Variants in DACH2 observed in about 807,000 individuals in gnomAD.
The protein encoded by DACH2 is dachshund family transcription factor 2, also known as dachshund homolog 2.
A neutral mutation model predicts 35.8 loss-of-function variants in DACH2; 17 were observed. The observed-to-expected ratio is 0.48, with a 90% CI of 0.33 to 0.71. The LOEUF is 0.71. Among genes scored for constraint, DACH2 ranks in the 30% least tolerant of loss-of-function variants. DACH2 has a pLI of 0.02. For missense variants in DACH2, 469 were observed against 472.7 expected (o/e 0.99, Z 0.07); for synonymous variants, 195 against 177.3 (o/e 1.10, Z -0.79).
At chrX:86,208,655 C>T (rs754774139) in intron 1 of DACH2, among the ~76,000 whole-genome samples, 75 of 111,376 alleles carry the variant, frequency 6.7e-4, no homozygotes, top group Admixed American at 2.5e-3. Flanking sequence ...AAGAATTTTG[C>T]GTGTATCTTT....
chrX:86,595,664 C>T (rs1394165784), intron 3 of DACH2, among the ~76,000 whole-genome samples: 3 of 109,342 alleles, frequency 2.7e-5, no homozygotes, highest in African/African-American at 9.9e-5. Flanking sequence ...TTATTCATTG[C>T]CCTTTGTCTT....
intron 2 of DACH2, among the ~76,000 whole-genome samples, chrX:86,404,196 A>G (rs1197507842): frequency 9.0e-6 from 1 of 110,612 alleles, no homozygotes; most frequent in Non-Finnish European, 1.9e-5. Context: ...TCATGTCCTC[A>G]CAATTCAAAA....
chrX:86,188,661 T>C (rs903312370), intron 1 of DACH2, among the ~76,000 whole-genome samples: 1 of 111,771 alleles, frequency 8.9e-6, no homozygotes, highest in Admixed American at 9.5e-5. Context: ...ACAGAGTCAG[T>C]AGCAGGAGAT....
chrX:86,740,291 A>T (rs2041640142), intron 7 of DACH2, among the ~76,000 whole-genome samples: 1 of 111,022 alleles, frequency 9.0e-6, no homozygotes, highest in South Asian at 3.8e-4. Context: ...AAATCTCAAC[A>T]ACTTAGATCA....
chrX:86,784,299 AC>A (rs201456243), intron 7 of DACH2, among the ~76,000 whole-genome samples: 25,972 of 109,767 alleles, frequency 0.24, 2,406 homozygotes, highest in East Asian at 0.45. Flanking sequence ...AACATCCCCA[AC>A]AAAAAGTAAG....
Position 86,788,192 on chromosome X carries a change from T to C in DACH2, c.1241-24664T>C, listed in dbSNP as rs766707929. 9.0e-5 allele frequency among the ~76,000 whole-genome samples: 10 copies of C among 110,920 alleles called. No individual in the cohort carries two copies. In the South Asian group the frequency reaches 3.5e-3, roughly 39 times the overall value. On this transcript the variant is annotated intron_variant, in intron 7 of 11. Coordinates refer to ENST00000373125, the MANE Select transcript of DACH2 (RefSeq NM_053281.3). ...TTCCTATAGGAAGATCATATACCAG[T>C]TAAACTCTGCCATTTTGCTTGCCTC... is the stretch of plus-strand genomic sequence containing the variant.
chrX:86,765,712 T>G (rs1309879820), intron 7 of DACH2, among the ~76,000 whole-genome samples: 39 of 97,874 alleles, frequency 4.0e-4, no homozygotes, highest in African/African-American at 1.1e-3. Context: ...TTTTTTTTTT[T>G]TTTTTTTTTT....
intron 2 of DACH2, chrX:86,481,188 A>T (rs1477365163): frequency 8.9e-6 from 1 of 112,018 alleles, no homozygotes; most frequent in Admixed American, 9.5e-5. Context: ...CTCAGGTCAA[A>T]TATTTCTCTC....
chrX:86,690,303 T>C (rs1452485247), intron 4 of DACH2, among the ~76,000 whole-genome samples: 2 of 111,968 alleles, frequency 1.8e-5, no homozygotes, highest in African/African-American at 6.5e-5. Flanking sequence ...GCTATTGCTT[T>C]TCACAAACCT....
chrX:86,677,695 C>A (rs1237695392), intron 4 of DACH2, among the ~76,000 whole-genome samples: 1 of 111,839 alleles, frequency 8.9e-6, no homozygotes, highest in Non-Finnish European at 1.9e-5. Flanking sequence ...AGTGAATTCT[C>A]AAGTTTTATA....
chrX:86,517,576 C>T (rs2038489686), intron 3 of DACH2, among the ~76,000 whole-genome samples: 1 of 109,874 alleles, frequency 9.1e-6, no homozygotes, highest in Non-Finnish European at 1.9e-5. Flanking sequence ...ACCACCACAC[C>T]TGGCTAAATT....
At chrX:86,363,028 C>A (rs899923966) in intron 1 of DACH2, among the ~76,000 whole-genome samples, 2 of 105,031 alleles carry the variant, frequency 1.9e-5, no homozygotes, top group Non-Finnish European at 3.9e-5. Flanking sequence ...GAATCTAGTT[C>A]ATAATATTGA....
intron 3 of DACH2, among the ~76,000 whole-genome samples, chrX:86,530,726 T>A (rs1474903229): frequency 8.9e-6 from 1 of 112,189 alleles, no homozygotes; most frequent in African/African-American, 3.2e-5. Context: ...TAAAGATACC[T>A]GAAAATGTGG....
At chrX:86,377,107 A>T (rs892392598) in intron 2 of DACH2, among the ~76,000 whole-genome samples, 1 of 111,633 alleles carries the variant, frequency 9.0e-6, no homozygotes, top group Non-Finnish European at 1.9e-5. Flanking sequence ...AGCAGAAGTT[A>T]GAGAAAGGCT....
chrX:86,685,968 C>T, intron 4 of DACH2, among the ~76,000 whole-genome samples: 1 of 111,317 alleles, frequency 9.0e-6, no homozygotes, highest in Middle Eastern at 4.6e-3. Context: ...TGATTATTTA[C>T]TGCGAAGTGA....
rs775064284 is a variant in DACH2, at chrX:86,695,090, G to A, written c.842G>A (p.Gly281Glu). The change falls in exon 5 of 12, where the codon GGA becomes GAA. Residue 281 changes from glycine (G) to glutamate (E), a missense_variant. By Grantham distance (98) the Gly-to-Glu change is moderately conservative (BLOSUM62 -2). This residue lies in a region of DACH2 where 363 missense variants were observed against 334.4 expected (regional missense o/e 1.09). Coordinates refer to ENST00000373125, the MANE Select transcript of DACH2 (RefSeq NM_053281.3). ...TTTGCTGCACCTGGACCCCAACATG[G>A]AATTGCTCATGCAGCCCTAGCTGGC... Reference protein sequence around the residue: ...SPFAAPGPQHGIAHAALAGQP... With the variant: ...SPFAAPGPQHEIAHAALAGQP... 1.1e-5 allele frequency: 13 copies of A among 1,156,974 alleles called. No homozygotes were observed. Among genetic ancestry groups the A allele is most frequent in the Non-Finnish European group, 1.5e-5 (13 of 867,378 alleles).
At chrX:86,646,309 G>C (rs187202077) in intron 3 of DACH2, among the ~76,000 whole-genome samples, 115 of 110,278 alleles carry the variant, frequency 1.0e-3, no homozygotes, top group African/African-American at 3.4e-3. Context: ...GGGCAGGTAG[G>C]GGGTGAGGGT....
At chrX:86,328,665 A>G (rs1356573030) in intron 1 of DACH2, among the ~76,000 whole-genome samples, 1 of 111,837 alleles carries the variant, frequency 8.9e-6, no homozygotes, top group East Asian at 2.8e-4. Flanking sequence ...GTCTCTAAAC[A>G]TATGTTCTGA....
intron 3 of DACH2, among the ~76,000 whole-genome samples, chrX:86,549,631 C>G (rs1205136170): frequency 9.1e-6 from 1 of 109,548 alleles, no homozygotes; most frequent in African/African-American, 3.3e-5. Flanking sequence ...TTCTCTATAA[C>G]AATTTTGAAG....
Sources: allele counts gnomAD v4.1 joint callset (sites outside exome capture counted in the v4.1 genomes callset), GRCh38; gene constraint gnomAD v4.1.1; regional missense constraint gnomAD v4.1.1; transcripts MANE v1.5; gene names NCBI Gene and HGNC (gene_info 2026-07-23, HGNC 2026-07-21).